APOD: variants seen among roughly 807,000 people sequenced by gnomAD.
The protein encoded by APOD is apo-D.
Under a neutral mutation model 20.4 loss-of-function variants are expected in APOD, and 22 were observed. The ratio of observed to expected loss-of-function variants is 1.08; its 90% CI spans 0.77 to 1.54. APOD has a LOEUF of 1.54. Among genes scored for constraint, APOD ranks in the 40% most tolerant of loss-of-function variants. APOD has a pLI of 0.00. For missense variants in APOD, 223 were observed against 229.6 expected, an observed-to-expected ratio of 0.97 and a Z score of 0.19; for synonymous variants, 97 against 92.4, an observed-to-expected ratio of 1.05 and a Z score of -0.29.
At position 195,573,948 on chromosome 3, in the gene APOD, A is replaced by T; in HGVS notation, c.147T>A (p.Ile49=). Residue 49 remains isoleucine (I), a synonymous_variant, in exon 3 of 5, where the codon ATT becomes ATA. Coordinates refer to ENST00000343267, the MANE Select transcript of APOD (RefSeq NM_001647.4). The stretch of plus-strand genomic sequence containing the variant: ...TCTCAAAGGTTGTTGGGATCTTCTC[A>T]ATTTCGTACCATCTTCCGAGATACT... ...VNKYLGRWYE[I]EKIPTTFENG... is the part of the protein sequence containing the mutation. The T allele has an allele frequency of 1.2e-6, 2 of 1,614,142 alleles. No individual in the cohort carries two copies. Among genetic ancestry groups the T allele is most frequent in the Non-Finnish European group, 1.7e-6 (2 of 1,180,010 alleles).
intron 4 of APOD, 175 bp downstream of exon 4, chr3:195,571,102 C>A (rs991829578): frequency 1.5e-6 from 1 of 655,912 alleles, no homozygotes; most frequent in Non-Finnish European, 2.7e-6. Context: ...CAGCTCTGTC[C>A]GGCTCATCAT....
rs1350242178 is a variant in APOD at position 195,569,148 on chromosome 3, G to A, written c.335-13C>T. 1.9e-6 allele frequency: 3 copies of A among 1,608,578 alleles called. No individual in the cohort carries two copies. Among genetic ancestry groups the A allele is most frequent in the East Asian group, 2.2e-5 (1 of 44,834 alleles). ...GCCGATGGCATAACTGAGAACCAGA[G>A]AGAGGCAGCATTATTGGAGGGAGAG... On this transcript the variant is annotated splice_polypyrimidine_tract_variant and intron_variant, in intron 4 of 4. Coordinates refer to ENST00000343267, the MANE Select transcript of APOD (RefSeq NM_001647.4).
At chr3:195,578,312 T>C (rs1176551112) in intron 2 of APOD, among the ~76,000 whole-genome samples, 1 of 152,088 alleles carries the variant, frequency 6.6e-6, no homozygotes, top group Non-Finnish European at 1.5e-5. Context: ...TATGGCCTCT[T>C]CCTACCACAC....
intron 4 of APOD, 56 bp downstream of exon 4, chr3:195,571,221 C>G (rs1454633797): frequency 1.2e-5 from 18 of 1,476,606 alleles, no homozygotes; most frequent in Non-Finnish European, 1.6e-5. Flanking sequence ...GGGGCGCTAG[C>G]CTTCAGTTTG....
At chr3:195,579,942 G>A (rs182471133) in intron 1 of APOD, among the ~76,000 whole-genome samples, 46 of 152,250 alleles carry the variant, frequency 3.0e-4, no homozygotes, top group Middle Eastern at 3.4e-3. Context: ...ACCAAATGTT[G>A]CCCAACACTT....
chr3:195,579,472 G>A lies in APOD; in HGVS notation c.-11C>T. ...CAGCAGCATCACCATCTTGGGGCTG[G>A]GTGGCTGGAGAAGGGACCTGGAGCT... On this transcript the variant is annotated 5_prime_UTR_variant, in exon 2 of 5. Coordinates refer to ENST00000343267, the MANE Select transcript of APOD (RefSeq NM_001647.4). 6.2e-7 allele frequency: 1 copy of A among 1,611,532 alleles called. No individual in the cohort carries two copies. Among genetic ancestry groups the A allele is most frequent in the Non-Finnish European group, 8.5e-7 (1 of 1,179,958 alleles).
At chr3:195,577,294 C>T (rs1720264446) in intron 2 of APOD, 1 of 240,898 alleles carries the variant, frequency 4.2e-6, no homozygotes, top group Non-Finnish European at 8.4e-6. Context: ...AAAACTTATA[C>T]TCTGAAAACT....
At chr3:195,583,626 A>G (rs1168752310) in intron 1 of APOD, among the ~76,000 whole-genome samples, 1 of 152,140 alleles carries the variant, frequency 6.6e-6, no homozygotes, top group Non-Finnish European at 1.5e-5. Context: ...ATGAGTTCAC[A>G]CTGGGTTTGG....
chr3:195,571,302 G>T lies in APOD; in HGVS notation c.309C>A (p.Ala103=), dbSNP rs749889723. ...EATPVNLTEP[A]KLEVKFSWFM... ...ACCAGGAAAACTTAACTTCCAGCTTGGCAGGCTCTGTGAGGTTAACTGGGG... is the reference window on the plus strand; with the variant it reads ...ACCAGGAAAACTTAACTTCCAGCTTTGCAGGCTCTGTGAGGTTAACTGGGG... Residue 103 remains alanine (A), a synonymous_variant, in exon 4 of 5, where the codon GCC becomes GCA. Transcript: ENST00000343267. The T allele has an allele frequency of 6.2e-7, 1 of 1,614,082 alleles. No homozygotes were observed. The highest frequency in any genetic ancestry group is 8.5e-7 in the Non-Finnish European group (1 of 1,180,008).
chr3:195,580,897 G>A lies in APOD; in HGVS notation c.-34-1402C>T, dbSNP rs140601728. ...GGTTCTGGGCATTGGAAGCTCCCCT[G>A]TTTCCTTCACTGACTCGCTGTCAAT... On this transcript the variant is annotated intron_variant, in intron 1 of 4. Coordinates refer to ENST00000343267, the MANE Select transcript of APOD (RefSeq NM_001647.4). Among the ~76,000 whole-genome samples, 335 of 152,284 alleles carry A rather than the reference G, an allele frequency of 2.2e-3. 1 individual carries two copies. The highest frequency in any genetic ancestry group is 7.8e-3 in the African/African-American group (325 of 41,552).
intron 1 of APOD, chr3:195,582,825 TG>T (rs1720362876): frequency 6.6e-6 from 1 of 151,154 alleles, no homozygotes; most frequent in Admixed American, 6.6e-5. Context: ...CCCAGCTACT[TG>T]GGAGGCTGAG....
At chr3:195,579,283 G>C in intron 2 of APOD, 56 bp downstream of exon 2, 1 of 1,607,926 alleles carries the variant, frequency 6.2e-7, no homozygotes, top group Non-Finnish European at 8.5e-7. Context: ...ATTGAACCTT[G>C]TAGAACGCTT....
rs191080620 is a variant in APOD at position 195,579,329 on chromosome 3, C to G, written c.123+10G>C. 18 of 1,614,056 alleles carry G rather than the reference C, an allele frequency of 1.1e-5. No homozygotes were observed. The highest frequency in any genetic ancestry group is 8.5e-7 in the Non-Finnish European group (1 of 1,179,952). ...GAGGCAGCAAAACAAACGGGAGGTT[C>G]GCCTTTTACCTTATTCACGTCAAAA... On this transcript the variant is annotated intron_variant, in intron 2 of 4. Transcript: ENST00000343267.
intron 3 of APOD, among the ~76,000 whole-genome samples, chr3:195,572,845 T>C (rs1306727843): frequency 6.6e-6 from 1 of 151,598 alleles, no homozygotes; most frequent in African/African-American, 2.4e-5. Context: ...ACCCCGTCTC[T>C]ACTAAAATAC....
At chr3:195,578,055 C>A (rs1227144791) in intron 2 of APOD, among the ~76,000 whole-genome samples, 1 of 152,188 alleles carries the variant, frequency 6.6e-6, no homozygotes, top group East Asian at 1.9e-4. Flanking sequence ...AAGTGAATTA[C>A]GTGCTATACA....
In APOD at chr3:195,571,323, T is replaced by C. The variant is rs774316391; in HGVS notation, c.288A>G (p.Pro96=). The C allele has an allele frequency of 1.2e-5, 20 of 1,613,944 alleles. No individual in the cohort carries two copies. The highest frequency in any genetic ancestry group is 3.3e-4 in the Middle Eastern group (2 of 6,082). Residue 96 remains proline (P), a synonymous_variant, in exon 4 of 5, where the codon CCA becomes CCG. Coordinates refer to ENST00000343267, the MANE Select transcript of APOD (RefSeq NM_001647.4). ...GCTTGGCAGGCTCTGTGAGGTTAAC[T>C]GGGGTGGCTTCACCTTCGATTTGAT... The part of the protein sequence containing the change: ...TVNQIEGEAT[P]VNLTEPAKLE...
At chr3:195,575,847 C>A (rs941547383) in intron 2 of APOD, among the ~76,000 whole-genome samples, 2 of 152,114 alleles carry the variant, frequency 1.3e-5, no homozygotes, top group Non-Finnish European at 1.5e-5. Context: ...AGGATGGTCT[C>A]AATCTCCTGA....
chr3:195,581,027 A>G (rs1021826951), intron 1 of APOD, among the ~76,000 whole-genome samples: 1 of 152,210 alleles, frequency 6.6e-6, no homozygotes, highest in Non-Finnish European at 1.5e-5. Flanking sequence ...TGCAAGCAAA[A>G]TGTTCTCAGA....
chr3:195,573,434 T>C (rs1272147835), intron 3 of APOD, among the ~76,000 whole-genome samples: 5 of 152,220 alleles, frequency 3.3e-5, no homozygotes, highest in Admixed American at 3.3e-4. Flanking sequence ...AGCTTTCTGA[T>C]AGATTAAGCT....
Sources: allele counts gnomAD v4.1 joint callset (sites outside exome capture counted in the v4.1 genomes callset), GRCh38; gene constraint gnomAD v4.1.1; transcripts MANE v1.5; gene names NCBI Gene and HGNC (gene_info 2026-07-23, HGNC 2026-07-21).